Variants in TAS2R1 observed in about 807,000 individuals in gnomAD.
TAS2R1 encodes the protein taste 2 receptor member 1, also known as taste receptor type 2 member 1.
For missense variants in TAS2R1, 370 were observed against 353.4 expected (o/e 1.05, Z -0.38); for synonymous variants, 141 against 134.2 (o/e 1.05, Z -0.35).
chr5:9,831,265 C>T, the TAS2R1 span, among the ~76,000 whole-genome samples: 1 of 151,968 alleles, frequency 6.6e-6, no homozygotes, highest in Non-Finnish European at 1.5e-5. Context: ...CCGGGAAGCT[C>T]AGCAGTAGTA....
At chr5:9,873,958 A>AAGAG in the TAS2R1 span, among the ~76,000 whole-genome samples, 9 of 146,628 alleles carry the variant, frequency 6.1e-5, 1 homozygote, top group Admixed American at 4.8e-4. Context: ...ACAGAAAGAA[A>AAGAG]AGAGAGAGAG....
the TAS2R1 span, among the ~76,000 whole-genome samples, chr5:9,892,305 C>A: frequency 1.9e-3 from 290 of 152,324 alleles, 3 homozygotes; most frequent in African/African-American, 6.8e-3. Flanking sequence ...CAGATCTACT[C>A]TTCTTCCCAT....
intron 1 of TAS2R1, among the ~76,000 whole-genome samples, chr5:9,680,761 G>A (rs58351072): frequency 0.13 from 20,039 of 152,034 alleles, 1,475 homozygotes; most frequent in Admixed American, 0.24. Context: ...TAAATCTAAC[G>A]TGGTATCATG....
intron 1 of TAS2R1, among the ~76,000 whole-genome samples, chr5:9,708,060 C>T (rs1040691000): frequency 2.0e-5 from 3 of 152,042 alleles, no homozygotes; most frequent in Admixed American, 6.5e-5. Context: ...GTCTTTACGG[C>T]GCAAGCTCCT....
intron 2 of TAS2R1, among the ~76,000 whole-genome samples, chr5:9,657,602 T>A (rs1740439787): frequency 3.3e-5 from 5 of 152,206 alleles, no homozygotes; most frequent in South Asian, 2.1e-4. Flanking sequence ...TGACCCATGC[T>A]ACAACATGGA....
At chr5:9,635,118 C>T (rs1739940388), upstream of TAS2R1, among the ~76,000 whole-genome samples, 1 of 151,984 alleles carries the variant, frequency 6.6e-6, no homozygotes, top group African/African-American at 2.4e-5. Context: ...GAGGTATGTC[C>T]CTTCTATGCC....
chr5:9,746,232 G>A, the TAS2R1 span, among the ~76,000 whole-genome samples: 8 of 152,202 alleles, frequency 5.3e-5, no homozygotes, highest in Non-Finnish European at 7.3e-5. Flanking sequence ...TCTCATGCCA[G>A]TTAGAATGGC....
chr5:9,685,626 AACAGATCTC>A (rs1320629640), intron 1 of TAS2R1, among the ~76,000 whole-genome samples: 1 of 152,160 alleles, frequency 6.6e-6, no homozygotes, highest in African/African-American at 2.4e-5. Flanking sequence ...AAGGATTCAC[AACAGATCTC>A]AAAACTTTGG....
the TAS2R1 span, among the ~76,000 whole-genome samples, chr5:9,759,843 C>A: frequency 6.6e-6 from 1 of 150,694 alleles, no homozygotes; most frequent in Non-Finnish European, 1.5e-5. Flanking sequence ...TGTGTAGATT[C>A]TTTTACCCAT....
At chr5:9,831,019 G>A in the TAS2R1 span, among the ~76,000 whole-genome samples, 1 of 152,094 alleles carries the variant, frequency 6.6e-6, no homozygotes, top group Non-Finnish European at 1.5e-5. Flanking sequence ...TAAGTCCATT[G>A]GGTGATTGTT....
At chr5:9,850,130 A>T in the TAS2R1 span, among the ~76,000 whole-genome samples, 1 of 151,892 alleles carries the variant, frequency 6.6e-6, no homozygotes, top group Non-Finnish European at 1.5e-5. Context: ...CGCAGCCCAA[A>T]CACCTATCCC....
rs1469690715 is a variant in TAS2R1, at chr5:9,642,975, T to TTCCTTCTTTCCTCCC, written c.-80-12998_-80-12984dup. 4.7e-4 allele frequency among the ~76,000 whole-genome samples: 71 copies of TTCCTTCTTTCCTCCC among 151,916 alleles called. 1 individual carries two copies. Among genetic ancestry groups the TTCCTTCTTTCCTCCC allele is most frequent in the African/African-American group, 1.6e-3 (65 of 41,454 alleles). ...TCTCTTTCTTTCCCTTCTTTCCTTT[T>TTCCTTCTTTCCTCCC]TCCTTCTTTCCTCCCTCCTTCTTTC... is the stretch of plus-strand genomic sequence containing the variant. On this transcript the variant is annotated intron_variant, in intron 2 of 2. Transcript: ENST00000506620.
At chr5:9,803,201 G>T in the TAS2R1 span, among the ~76,000 whole-genome samples, 1 of 152,064 alleles carries the variant, frequency 6.6e-6, no homozygotes, top group African/African-American at 2.4e-5. Context: ...ACACAAAAAA[G>T]AATTTTAAAA....
chr5:9,712,129 T>C (rs373738681), intron 1 of TAS2R1: 1 of 152,104 alleles, frequency 6.6e-6, no homozygotes, highest in East Asian at 1.9e-4. Flanking sequence ...AAACAAAGTG[T>C]CTAACAACTA....
At chr5:9,630,925 G>A (rs770905763), upstream of TAS2R1, among the ~76,000 whole-genome samples, 18 of 152,150 alleles carry the variant, frequency 1.2e-4, no homozygotes, top group Non-Finnish European at 8.8e-5. Flanking sequence ...TATGTATACC[G>A]TGCTGCCTGT....
At chr5:9,833,553 A>T in the TAS2R1 span, among the ~76,000 whole-genome samples, 3 of 152,218 alleles carry the variant, frequency 2.0e-5, no homozygotes, top group African/African-American at 7.2e-5. Flanking sequence ...AAGCTGGAAG[A>T]CAGCTGGGTG....
At chr5:9,668,391 A>C (rs1740682106) in intron 1 of TAS2R1, among the ~76,000 whole-genome samples, 1 of 152,176 alleles carries the variant, frequency 6.6e-6, no homozygotes, top group African/African-American at 2.4e-5. Context: ...GCCAATATTC[A>C]ATCAAGAAAA....
chr5:9,861,950 A>G, the TAS2R1 span, among the ~76,000 whole-genome samples: 67 of 152,364 alleles, frequency 4.4e-4, no homozygotes, highest in South Asian at 4.8e-3. Flanking sequence ...ATTGAGTTCA[A>G]TGATGATGCG....
the TAS2R1 span, among the ~76,000 whole-genome samples, chr5:9,868,682 G>T: frequency 6.6e-6 from 1 of 152,186 alleles, no homozygotes; most frequent in African/African-American, 2.4e-5. Flanking sequence ...ATTTTTGCAG[G>T]TGGCTTGAAT....
Sources: gnomAD v4.1 joint callset for allele counts (sites outside exome capture counted in the v4.1 genomes callset) on GRCh38, gnomAD v4.1.1 for gene constraint, MANE v1.5 for transcripts, NCBI Gene and HGNC (gene_info 2026-07-23, HGNC 2026-07-21) for gene names.